Variants in AANAT observed in about 807,000 individuals in gnomAD.
AANAT encodes the protein aralkylamine N-acetyltransferase.
A neutral mutation model predicts 15.6 loss-of-function variants in AANAT; 11 were observed. That is an observed-to-expected ratio of 0.71 (90% confidence interval 0.44 to 1.17). The LOEUF (loss-of-function observed/expected upper bound fraction) is 1.17, where lower values mean the gene tolerates loss of function less well. AANAT is among the 50% of genes most tolerant of loss of function. The pLI, the probability that AANAT is intolerant of heterozygous loss-of-function variation, is 0.00. For missense variants in AANAT, 286 were observed against 296.3 expected (o/e 0.97, Z 0.26); for synonymous variants, 139 against 131.5 (o/e 1.06, Z -0.39).
intron 1 of AANAT, among the ~76,000 whole-genome samples, chr17:76,455,099 C>T (rs2073329959): frequency 6.6e-6 from 1 of 151,974 alleles, no homozygotes; most frequent in South Asian, 2.1e-4. Context: ...TGCACTCCAG[C>T]CTGGGCGACA....
At chr17:76,463,109 C>T (rs112832418), upstream of AANAT, among the ~76,000 whole-genome samples, 68 of 152,202 alleles carry the variant, frequency 4.5e-4, no homozygotes, top group African/African-American at 1.5e-3. Flanking sequence ...CCAGGCTCTC[C>T]GGGGGTATCA....
Position 76,469,958 on chromosome 17 carries a change from C to G in AANAT, c.612C>G (p.Asn204Lys). The G allele has an allele frequency of 6.7e-7, 1 of 1,495,770 alleles. No individual in the cohort carries two copies. Among genetic ancestry groups the G allele is most frequent in the Non-Finnish European group, 9.0e-7 (1 of 1,117,252 alleles). 92.7% of individuals were successfully genotyped at this position (1,495,770 alleles called of 1,614,324 possible). Residue 204 changes from asparagine to lysine, a missense_variant, in exon 4 of 4, where the codon AAC (asparagine) becomes AAG (lysine). Physicochemically the swap from Asn to Lys is moderately conservative, Grantham distance 94 (BLOSUM62 0). Transcript: ENST00000392492. The surrounding 1 kb of genome is among the most constrained non-coding windows in gnomAD (Gnocchi z 5.2). ...GGGGCCACCCCTTCCTGCGCAGGAACAGCGGCTGCTGAACTGGGCTGCCCA... is the reference window on the plus strand; with the variant it reads ...GGGGCCACCCCTTCCTGCGCAGGAAGAGCGGCTGCTGAACTGGGCTGCCCA... ...SLRGHPFLRRNSGC is the reference protein window; with the variant it reads ...SLRGHPFLRRKSGC
chr17:76,459,557 G>A (rs2073368075), intron 2 of AANAT, among the ~76,000 whole-genome samples: 1 of 152,156 alleles, frequency 6.6e-6, no homozygotes, highest in Non-Finnish European at 1.5e-5. Flanking sequence ...TTCCTGTCCA[G>A]AGCTGCCCCA....
Position 76,469,675 on chromosome 17 carries a change from C to T in AANAT, c.329C>T (p.Thr110Met), listed in dbSNP as rs200306768. Residue 110 changes from threonine to methionine, a missense_variant, in exon 4 of 4, where the codon ACG (threonine) becomes ATG (methionine). Coordinates refer to ENST00000392492, the MANE Select transcript of AANAT (RefSeq NM_001088.3). This position sits in a 1 kb window ranked among gnomAD's most constrained non-coding sequence, Gnocchi z 5.2. ...DKERLMQESL[T>M]LHRSGGHIAH... The stretch of plus-strand genomic sequence containing the variant: ...CTTGCTCGCTCCCAGGAGTCACTGA[C>T]GCTGCACAGGTCTGGGGGCCACATA... 1.3e-4 allele frequency: 192 copies of T among 1,496,020 alleles called. No homozygotes were observed. In the African/African-American group the frequency reaches 2.1e-3, roughly 16 times the overall value. The allele number at this position is 1,496,020 out of a possible 1,614,324, so 92.7% of individuals were successfully genotyped here. A position where few individuals can be genotyped will look rare whatever the true frequency, so the allele number is the denominator to read the frequency against.
At position 76,468,860 on chromosome 17, in the gene AANAT, C is replaced by T. The variant is rs748005176; in HGVS notation, c.114C>T (p.Arg38=). The change falls in exon 2 of 4, where the codon CGC becomes CGT. Residue 38 remains arginine (R), a synonymous_variant. Coordinates refer to ENST00000392492, the MANE Select transcript of AANAT (RefSeq NM_001088.3). ...RRHTLPASEF[R]CLTPEDAVSA... The stretch of plus-strand genomic sequence containing the variant: ...ACACACTCCCTGCCAGTGAGTTTCG[C>T]TGCCTCACCCCGGAGGACGCTGTCA... The T allele has an allele frequency of 1.2e-6, 2 of 1,613,688 alleles. No homozygotes were observed. Among genetic ancestry groups the T allele is most frequent in the Non-Finnish European group, 1.7e-6 (2 of 1,180,006 alleles).
rs527869077 is a variant in AANAT, at chr17:76,469,427, C to T, written c.318+100C>T. 7 of 1,515,468 alleles carry T rather than the reference C, an allele frequency of 4.6e-6. No individual in the cohort carries two copies. In the East Asian group the frequency reaches 6.8e-5, roughly 15 times the overall value. The allele number at this position is 1,515,468 out of a possible 1,614,324, so 93.9% of individuals were successfully genotyped here. On this transcript the variant is annotated intron_variant, in intron 3 of 3. Transcript: ENST00000392492. This position sits in a 1 kb window ranked among gnomAD's most constrained non-coding sequence, Gnocchi z 5.2. Reference sequence around the variant, plus strand: ...AGCCCAGGGGCTGGGATTTCTTCCTCCAGAACTGGAGAGATGAGTACAGGC... The same window carrying T: ...AGCCCAGGGGCTGGGATTTCTTCCTTCAGAACTGGAGAGATGAGTACAGGC...
In AANAT at chr17:76,470,011, T is replaced by C; in HGVS notation, c.*41T>C. The C allele has an allele frequency of 7.0e-7, 1 of 1,438,774 alleles. No homozygotes were observed. Among genetic ancestry groups the C allele is most frequent in the Non-Finnish European group, 9.2e-7 (1 of 1,090,934 alleles). 89.1% of individuals were successfully genotyped at this position (1,438,774 alleles called of 1,614,324 possible). ...TGGCTGCCAACATGATCCCCGTCTCTGCCCTGGGCTCCTCTTAGCTCAGCT... is the reference window on the plus strand; with the variant it reads ...TGGCTGCCAACATGATCCCCGTCTCCGCCCTGGGCTCCTCTTAGCTCAGCT... On this transcript the variant is annotated 3_prime_UTR_variant, in exon 4 of 4. Coordinates refer to ENST00000392492, the MANE Select transcript of AANAT (RefSeq NM_001088.3).
At chr17:76,466,290 G>A (rs1256732051), upstream of AANAT, 3 of 1,440,524 alleles carry the variant, frequency 2.1e-6, no homozygotes, top group South Asian at 2.6e-5. Context: ...AGCCCAAGGA[G>A]GTCTCTGGTC....
chr17:76,459,319 C>T (rs1238567876), exon 2 of AANAT: 1 of 152,266 alleles, frequency 6.6e-6, no homozygotes, highest in Non-Finnish European at 1.5e-5. Context: ...ACTGCCACCT[C>T]CCACAGCTCC....
At chr17:76,459,328 C>T (rs1199988658) in exon 2 of AANAT, 2 of 152,260 alleles carry the variant, frequency 1.3e-5, no homozygotes, top group African/African-American at 4.8e-5. Flanking sequence ...TCCCACAGCT[C>T]CAGACTCGTG....
chr17:76,455,087 G>A (rs538180954), intron 1 of AANAT, among the ~76,000 whole-genome samples: 47 of 148,418 alleles, frequency 3.2e-4, no homozygotes, highest in African/African-American at 8.0e-4. Context: ...AGATCGCGCC[G>A]CTGCACTCCA....
At chr17:76,455,605 C>G (rs528974229) in intron 1 of AANAT, among the ~76,000 whole-genome samples, 1 of 143,900 alleles carries the variant, frequency 6.9e-6, no homozygotes, top group Non-Finnish European at 1.5e-5. Flanking sequence ...TTTTTCTACA[C>G]GATCATCAAC....
At position 76,469,782 on chromosome 17, in the gene AANAT, C is replaced by T; in HGVS notation, c.436C>T (p.His146Tyr). Residue 146 changes from histidine (H) to tyrosine (Y), a missense_variant, in exon 4 of 4, where the codon CAC becomes TAC. His to Tyr is a moderately conservative substitution (Grantham distance 83). Transcript: ENST00000392492. This position sits in a 1 kb window ranked among gnomAD's most constrained non-coding sequence, Gnocchi z 5.2. ...GPILLWRYLH[H>Y]LGSQPAVRRA... ...CATCCTGCTGTGGCGCTACCTGCAC[C>T]ACCTGGGCAGCCAGCCGGCCGTGCG... is the stretch of plus-strand genomic sequence containing the variant. 2 of 1,592,136 alleles carry T rather than the reference C, an allele frequency of 1.3e-6. No homozygotes were observed. Among genetic ancestry groups the T allele is most frequent in the Non-Finnish European group, 1.7e-6 (2 of 1,170,528 alleles).
intron 1 of AANAT, among the ~76,000 whole-genome samples, chr17:76,458,376 AG>A (rs2073358475): frequency 6.6e-6 from 1 of 152,204 alleles, no homozygotes; most frequent in Non-Finnish European, 1.5e-5. Flanking sequence ...GCTGGCTAGC[AG>A]GGTAAGTGTG....
rs776403673 is a variant in AANAT at position 76,468,707 on chromosome 17, T to G, written c.-40T>G. 3 of 1,584,758 alleles carry G rather than the reference T, an allele frequency of 1.9e-6. No homozygotes were observed. Among genetic ancestry groups the G allele is most frequent in the Non-Finnish European group, 2.6e-6 (3 of 1,167,960 alleles). On this transcript the variant is annotated 5_prime_UTR_variant, in exon 2 of 4. Transcript: ENST00000392492. ...GCCCTCCTTGGCTTAGGAGGACACT[T>G]CCAAAGCTGGGGCGCCCCAAGGAGG...
chr17:76,468,906 G>A lies in AANAT; in HGVS notation c.160G>A (p.Glu54Lys), dbSNP rs190794620. The A allele has an allele frequency of 6.2e-7, 1 of 1,612,950 alleles. No homozygotes were observed. The highest frequency in any genetic ancestry group is 8.5e-7 in the Non-Finnish European group (1 of 1,179,736). Residue 54 changes from glutamate (E) to lysine (K), a missense_variant, in exon 2 of 4, where the codon GAA becomes AAA. Glu to Lys is a moderately conservative substitution (Grantham distance 56). Coordinates refer to ENST00000392492, the MANE Select transcript of AANAT (RefSeq NM_001088.3). ...TGTCAGCGCCTTTGAGATCGAGCGTGAAGGTGAGTGGCCCCGCACAGGGTC... is the reference window on the plus strand; with the variant it reads ...TGTCAGCGCCTTTGAGATCGAGCGTAAAGGTGAGTGGCCCCGCACAGGGTC... ...DAVSAFEIEREAFISVLGVCP... is the reference protein window; with the variant it reads ...DAVSAFEIERKAFISVLGVCP...
intron 1 of AANAT, among the ~76,000 whole-genome samples, chr17:76,454,322 GA>G (rs67911712): frequency 0.028 from 3,920 of 139,230 alleles, 80 homozygotes; most frequent in African/African-American, 0.06. Context: ...TAAAAATACG[GA>G]AAAAAAAAAA....
At chr17:76,466,300 C>A, upstream of AANAT, 3 of 1,290,858 alleles carry the variant, frequency 2.3e-6, no homozygotes, top group South Asian at 2.8e-5. Context: ...GGTCTCTGGT[C>A]GGTCCTGAGA....
rs751373995 is a variant in AANAT, at chr17:76,469,351, A to C, written c.318+24A>C. 6.2e-7 allele frequency: 1 copy of C among 1,612,600 alleles called. No homozygotes were observed. Among genetic ancestry groups the C allele is most frequent in the Admixed American group, 1.7e-5 (1 of 59,970 alleles). ...AGGTGAGGACAGGGCTGCGACGCCC[A>C]GCTCCAGGGAGGCCTCTGAAGACAG... On this transcript the variant is annotated intron_variant, in intron 3 of 3. Coordinates refer to ENST00000392492, the MANE Select transcript of AANAT (RefSeq NM_001088.3). The surrounding 1 kb of genome is among the most constrained non-coding windows in gnomAD (Gnocchi z 5.2).
Sources: allele counts gnomAD v4.1 joint callset (sites outside exome capture counted in the v4.1 genomes callset), GRCh38; gene constraint gnomAD v4.1.1; non-coding constraint Gnocchi (gnomAD v3.1); transcripts MANE v1.5; gene names NCBI Gene and HGNC (gene_info 2026-07-23, HGNC 2026-07-21).